PCDHGA12: variants seen among roughly 807,000 people sequenced by gnomAD.
PCDHGA12 encodes protocadherin gamma-A12.
A neutral mutation model predicts 61.1 loss-of-function variants in PCDHGA12; 43 were observed. The ratio of observed to expected loss-of-function variants is 0.70; its 90% CI spans 0.55 to 0.91. PCDHGA12 has a LOEUF of 0.91. Ranked by LOEUF, PCDHGA12 falls within the 40% of genes least tolerant of loss-of-function variation. The pLI, the probability that PCDHGA12 is intolerant of heterozygous loss-of-function variation, is 0.00. For missense variants in PCDHGA12, 1,236 were observed against 1,227.7 expected (o/e 1.01, Z -0.10); for synonymous variants, 520 against 542.9 (o/e 0.96, Z 0.59).
At chr5:141,467,630 T>A (rs1483747040) in intron 1 of PCDHGA12, among the ~76,000 whole-genome samples, 2 of 152,194 alleles carry the variant, frequency 1.3e-5, no homozygotes, top group African/African-American at 4.8e-5. Flanking sequence ...TGAGATAGCA[T>A]CTTTATCATG....
chr5:141,497,312 G>A (rs940721317), intron 2 of PCDHGA12, among the ~76,000 whole-genome samples: 7 of 152,038 alleles, frequency 4.6e-5, no homozygotes, highest in African/African-American at 1.7e-4. Flanking sequence ...CCATACACTG[G>A]CTTTGAAGCA....
chr5:141,477,212 C>CCTCT lies in PCDHGA12; in HGVS notation c.2425-17594_2425-17591dup. 6.2e-7 allele frequency: 1 copy of CCTCT among 1,614,166 alleles called. No homozygotes were observed. The highest frequency in any genetic ancestry group is 8.5e-7 in the Non-Finnish European group (1 of 1,180,042). The stretch of plus-strand genomic sequence containing the variant: ...GTACAGCCCAGTACCCGAGGATGCC[C>CCTCT]CTCTGGGGACTGTCATCGCTTTGCT... On this transcript the variant is annotated intron_variant, in intron 1 of 3. Coordinates refer to ENST00000252085, the MANE Select transcript of PCDHGA12 (RefSeq NM_003735.3). This position sits in a 1 kb window ranked among gnomAD's most constrained non-coding sequence, Gnocchi z 4.9.
Position 141,477,176 on chromosome 5 carries a change from G to A in PCDHGA12, c.2425-17631G>A. ...GAATGACAACGCCCCGGAGATCACA[G>A]TCACCTCCGTGTACAGCCCAGTACC... On this transcript the variant is annotated intron_variant, in intron 1 of 3. Transcript: ENST00000252085. The surrounding 1 kb of genome is among the most constrained non-coding windows in gnomAD (Gnocchi z 4.9). 2 of 1,614,206 alleles carry A rather than the reference G, an allele frequency of 1.2e-6. No individual in the cohort carries two copies. Among genetic ancestry groups the A allele is most frequent in the Admixed American group, 1.7e-5 (1 of 60,024 alleles).
Position 141,433,199 on chromosome 5 carries a change from ATCT to A in PCDHGA12, c.2424+21_2424+23del, listed in dbSNP as rs1202688924. On this transcript the variant is annotated intron_variant, in intron 1 of 3. Coordinates refer to ENST00000252085, the MANE Select transcript of PCDHGA12 (RefSeq NM_003735.3). ...GTTAATTGAGGTGAGTTTATATCAA[ATCT>A]TCTTTCTTTTTTTTTTTTAATTGCT... 4 of 1,579,570 alleles carry A rather than the reference ATCT, an allele frequency of 2.5e-6. No homozygotes were observed. Among genetic ancestry groups the A allele is most frequent in the East Asian group, 2.2e-5 (1 of 44,642 alleles).
intron 1 of PCDHGA12, among the ~76,000 whole-genome samples, chr5:141,462,382 C>T (rs80320684): frequency 0.016 from 2,433 of 152,148 alleles, 70 homozygotes; most frequent in African/African-American, 0.055. Flanking sequence ...CTTTTAAATT[C>T]GTTAACATTT....
chr5:141,478,307 G>T, intron 1 of PCDHGA12: 3 of 1,614,056 alleles, frequency 1.9e-6, no homozygotes, highest in Non-Finnish European at 2.5e-6. Context: ...CCGAGCCCCG[G>T]TGAGCTCACT....
chr5:141,491,896 C>A lies in PCDHGA12; in HGVS notation c.2425-2911C>A. ...CGATTAAGGGATGGGGCTCCGAGCA[C>A]CGGGGGTGGTGGCGACTGTGGGCGA... On this transcript the variant is annotated intron_variant, in intron 1 of 3. Coordinates refer to ENST00000252085, the MANE Select transcript of PCDHGA12 (RefSeq NM_003735.3). This position sits in a 1 kb window ranked among gnomAD's most constrained non-coding sequence, Gnocchi z 6.9. 1 of 1,434,504 alleles carries A rather than the reference C, an allele frequency of 7.0e-7. No homozygotes were observed. Among genetic ancestry groups the A allele is most frequent in the Non-Finnish European group, 9.2e-7 (1 of 1,084,690 alleles). The allele number at this position is 1,434,504 out of a possible 1,614,324, so 88.9% of individuals were successfully genotyped here.
Position 141,491,422 on chromosome 5 carries a change from G to A in PCDHGA12, c.2425-3385G>A. 1 of 1,614,112 alleles carries A rather than the reference G, an allele frequency of 6.2e-7. No individual in the cohort carries two copies. Among genetic ancestry groups the A allele is most frequent in the East Asian group, 2.2e-5 (1 of 44,874 alleles). On this transcript the variant is annotated intron_variant, in intron 1 of 3. Coordinates refer to ENST00000252085, the MANE Select transcript of PCDHGA12 (RefSeq NM_003735.3). The surrounding 1 kb of genome is among the most constrained non-coding windows in gnomAD (Gnocchi z 6.9). The stretch of plus-strand genomic sequence containing the variant: ...AAACGCAGACGGGGACGGGGGTGGA[G>A]GGCAGTGCTGCAGGCGCCAGGACTC...
chr5:141,450,490 T>C (rs1480357834), intron 1 of PCDHGA12, among the ~76,000 whole-genome samples: 1 of 152,164 alleles, frequency 6.6e-6, no homozygotes, highest in Non-Finnish European at 1.5e-5. Context: ...TTTGTTTGTC[T>C]GTTTGTTTGT....
Position 141,494,869 on chromosome 5 carries a change from G to A in PCDHGA12, c.2483+4G>A. 6.2e-7 allele frequency: 1 copy of A among 1,614,144 alleles called. No individual in the cohort carries two copies. Among genetic ancestry groups the A allele is most frequent in the Non-Finnish European group, 8.5e-7 (1 of 1,180,010 alleles). On this transcript the variant is annotated splice_donor_region_variant and intron_variant, in intron 2 of 3. Coordinates refer to ENST00000252085, the MANE Select transcript of PCDHGA12 (RefSeq NM_003735.3). The stretch of plus-strand genomic sequence containing the variant: ...CCCAGAGACCCGGCACCAGCGGGTA[G>A]GTGACTGATTCTCCAGCCCACCCTC...
At chr5:141,438,957 C>T (rs1292059651) in intron 1 of PCDHGA12, among the ~76,000 whole-genome samples, 1 of 152,026 alleles carries the variant, frequency 6.6e-6, no homozygotes, top group Non-Finnish European at 1.5e-5. Context: ...TGAGCCACCG[C>T]ACCCTGCCAA....
intron 1 of PCDHGA12, among the ~76,000 whole-genome samples, chr5:141,457,694 C>G (rs891323419): frequency 6.6e-6 from 1 of 152,214 alleles, no homozygotes; most frequent in Non-Finnish European, 1.5e-5. Flanking sequence ...TTTGGATTGG[C>G]TTTGATGAAA....
chr5:141,464,680 A>T (rs747974832), intron 1 of PCDHGA12, among the ~76,000 whole-genome samples: 1 of 152,144 alleles, frequency 6.6e-6, no homozygotes, highest in African/African-American at 2.4e-5. Context: ...TTTTAATTAA[A>T]ATTTCTCTTA....
At chr5:141,444,119 T>G (rs1236466434) in intron 1 of PCDHGA12, among the ~76,000 whole-genome samples, 4 of 146,736 alleles carry the variant, frequency 2.7e-5, no homozygotes, top group African/African-American at 1.0e-4. Context: ...AAGTGAAGTA[T>G]CTCAACAGAT....
chr5:141,475,343 G>A (rs1425482944), intron 1 of PCDHGA12, among the ~76,000 whole-genome samples: 1 of 152,178 alleles, frequency 6.6e-6, no homozygotes, highest in Non-Finnish European at 1.5e-5. Flanking sequence ...ATGACATCCA[G>A]TTTTAAAAGA....
chr5:141,501,331 A>ACC (rs906542724), intron 2 of PCDHGA12, among the ~76,000 whole-genome samples: 1 of 138,846 alleles, frequency 7.2e-6, no homozygotes, highest in Non-Finnish European at 1.6e-5. Flanking sequence ...ACACACACAC[A>ACC]CACCCCAAAC....
intron 1 of PCDHGA12, among the ~76,000 whole-genome samples, chr5:141,463,025 T>G (rs2099051289): frequency 6.6e-6 from 1 of 152,202 alleles, no homozygotes; most frequent in Non-Finnish European, 1.5e-5. Flanking sequence ...ACTTTTTTGA[T>G]TAATCTGAGT....
chr5:141,507,113 C>G (rs1401559943), intron 3 of PCDHGA12: 1 of 152,220 alleles, frequency 6.6e-6, no homozygotes, highest in Non-Finnish European at 1.5e-5. Context: ...GGGACCATGG[C>G]TGCCTTTGGA....
intron 1 of PCDHGA12, among the ~76,000 whole-genome samples, chr5:141,457,477 C>A (rs964080100): frequency 2.0e-5 from 3 of 152,134 alleles, no homozygotes; most frequent in African/African-American, 7.2e-5. Context: ...TAAGCAGGGC[C>A]AGGGTTAGTC....
Sources: gnomAD v4.1 joint callset for allele counts (sites outside exome capture counted in the v4.1 genomes callset) on GRCh38, gnomAD v4.1.1 for gene constraint, Gnocchi (gnomAD v3.1) non-coding constraint, MANE v1.5 for transcripts, NCBI Gene and HGNC (gene_info 2026-07-23, HGNC 2026-07-21) for gene names.